The following PTPRM variants were observed in gnomAD, a reference collection of about 807,000 sequenced individuals.
PTPRM encodes the protein protein tyrosine phosphatase receptor type M.
PTPRM carries 47 observed loss-of-function variants against 186.7 expected under a neutral mutation model. That is an observed-to-expected ratio of 0.25 (90% CI 0.20 to 0.32). The LOEUF is 0.32. PTPRM is among the 10% of genes least tolerant of loss of function. PTPRM has a pLI of 1.00. For missense variants in PTPRM, 1,494 were observed against 1,865.0 expected, an observed-to-expected ratio of 0.80 and a Z score of 3.66; for synonymous variants, 668 against 674.9, an observed-to-expected ratio of 0.99 and a Z score of 0.16.
At chr18:8,110,399 G>T (rs1245615181) in intron 11 of PTPRM, among the ~76,000 whole-genome samples, 1 of 152,220 alleles carries the variant, frequency 6.6e-6, no homozygotes, top group Non-Finnish European at 1.5e-5. Context: ...GTGACCTAGA[G>T]TTCATTGCCT....
intron 7 of PTPRM, among the ~76,000 whole-genome samples, chr18:8,004,794 A>G (rs1256220559): frequency 6.6e-6 from 1 of 152,162 alleles, no homozygotes. Flanking sequence ...TCGTGCCACA[A>G]GTTGGAATAA....
At chr18:7,649,773 G>T (rs2038652068) in intron 1 of PTPRM, among the ~76,000 whole-genome samples, 1 of 151,884 alleles carries the variant, frequency 6.6e-6, no homozygotes, top group Non-Finnish European at 1.5e-5. Flanking sequence ...AAATGAAATT[G>T]CCACAGCCAC....
intron 1 of PTPRM, among the ~76,000 whole-genome samples, chr18:7,580,483 A>G (rs2036814321): frequency 6.6e-6 from 1 of 152,238 alleles, no homozygotes; most frequent in Non-Finnish European, 1.5e-5. Context: ...GGTGACGCCA[A>G]AGGCTCTTCA....
intron 2 of PTPRM, among the ~76,000 whole-genome samples, chr18:7,864,012 C>G (rs2047533658): frequency 6.6e-6 from 1 of 152,164 alleles, no homozygotes; most frequent in South Asian, 2.1e-4. Context: ...TGAGAAGTGT[C>G]TGTTCAAATC....
At chr18:7,569,670 A>G (rs2036522436) in intron 1 of PTPRM, among the ~76,000 whole-genome samples, 1 of 152,230 alleles carries the variant, frequency 6.6e-6, no homozygotes, top group African/African-American at 2.4e-5. Context: ...ACAAATATTT[A>G]TATTGCTTAT....
intron 2 of PTPRM, among the ~76,000 whole-genome samples, chr18:7,800,789 G>A (rs1178605282): frequency 1.3e-5 from 2 of 152,120 alleles, no homozygotes; most frequent in African/African-American, 4.8e-5. Flanking sequence ...AAGACATGTT[G>A]GCTGTATGGT....
At chr18:8,031,257 G>A (rs1003303789) in intron 7 of PTPRM, among the ~76,000 whole-genome samples, 6 of 152,082 alleles carry the variant, frequency 3.9e-5, no homozygotes, top group African/African-American at 7.2e-5. Context: ...GTAAATTTTC[G>A]GGTAGAGATT....
chr18:8,036,182 A>G (rs942279551), intron 7 of PTPRM, among the ~76,000 whole-genome samples: 1 of 152,216 alleles, frequency 6.6e-6, no homozygotes, highest in African/African-American at 2.4e-5. Context: ...TCCGGGGAAC[A>G]GAAGGATAAA....
intron 23 of PTPRM, chr18:8,365,097 A>T (rs2095620172): frequency 6.6e-6 from 1 of 152,200 alleles, no homozygotes; most frequent in Non-Finnish European, 1.5e-5. Context: ...AAGTCATTTC[A>T]AGGCTTCCTA....
intron 14 of PTPRM, among the ~76,000 whole-genome samples, chr18:8,177,402 T>G (rs559182620): frequency 2.0e-3 from 298 of 152,256 alleles, no homozygotes; most frequent in Non-Finnish European, 3.3e-3. Context: ...CCAGAAGAGG[T>G]TCACAGAGTT....
intron 7 of PTPRM, among the ~76,000 whole-genome samples, chr18:8,005,262 C>T (rs555263578): frequency 6.6e-6 from 1 of 152,118 alleles, no homozygotes; most frequent in Non-Finnish European, 1.5e-5. Context: ...AATTCATAAA[C>T]CCTCTCAAGT....
At chr18:8,118,937 G>A (rs1161268921) in intron 13 of PTPRM, among the ~76,000 whole-genome samples, 1 of 151,150 alleles carries the variant, frequency 6.6e-6, no homozygotes, top group African/African-American at 2.4e-5. Context: ...GCCCAGGGAA[G>A]TCAAAAGATT....
At chr18:8,205,071 T>G (rs2093909629) in intron 14 of PTPRM, among the ~76,000 whole-genome samples, 1 of 152,254 alleles carries the variant, frequency 6.6e-6, no homozygotes, top group African/African-American at 2.4e-5. Flanking sequence ...CCTATCTAAT[T>G]TGCTTGACAA....
chr18:7,860,113 C>T (rs2047294282), intron 2 of PTPRM, among the ~76,000 whole-genome samples: 2 of 151,248 alleles, frequency 1.3e-5, no homozygotes, highest in Non-Finnish European at 2.9e-5. Context: ...CGCTGTGTCT[C>T]CCAGGCTGGA....
intron 20 of PTPRM, among the ~76,000 whole-genome samples, chr18:8,299,035 G>T (rs1312457848): frequency 6.6e-6 from 1 of 152,164 alleles, no homozygotes; most frequent in African/African-American, 2.4e-5. Flanking sequence ...CAAACATGAG[G>T]ATGGCCCTGT....
chr18:8,275,361 T>G (rs2094821696), intron 19 of PTPRM, among the ~76,000 whole-genome samples: 3 of 152,158 alleles, frequency 2.0e-5, no homozygotes, highest in Non-Finnish European at 4.4e-5. Flanking sequence ...GGAGGATCAC[T>G]GGAGCCCAGT....
chr18:8,164,470 A>G (rs1266006712), intron 14 of PTPRM, among the ~76,000 whole-genome samples: 1 of 152,250 alleles, frequency 6.6e-6, no homozygotes, highest in African/African-American at 2.4e-5. Context: ...AGAAGAGTGG[A>G]TAAACAAAAA....
rs73393507 is a variant in PTPRM at position 7,746,845 on chromosome 18, C to T, written c.74-27304C>T. ...TACCAGCCACGTGGTGGCTGGATGG[C>T]GATTGGTTCTGTGGCCAGCTTGCTC... On this transcript the variant is annotated intron_variant, in intron 1 of 32. Transcript: ENST00000580170. Among the ~76,000 whole-genome samples the T allele has an allele frequency of 2.9e-3, 439 of 152,196 alleles. 2 individuals are homozygous for T. Among genetic ancestry groups the T allele is most frequent in the African/African-American group, 0.01 (421 of 41,512 alleles).
intron 22 of PTPRM, among the ~76,000 whole-genome samples, chr18:8,338,519 G>C (rs1248617954): frequency 6.6e-6 from 1 of 152,180 alleles, no homozygotes; most frequent in South Asian, 2.1e-4. Context: ...CAAATGAGGC[G>C]GTATGATGTA....
Sources: allele counts gnomAD v4.1 joint callset (sites outside exome capture counted in the v4.1 genomes callset), GRCh38; gene constraint gnomAD v4.1.1; transcripts MANE v1.5; gene names NCBI Gene and HGNC (gene_info 2026-07-23, HGNC 2026-07-21).